Variants in GALNT18 observed in about 807,000 individuals in gnomAD.
The protein encoded by GALNT18 is polypeptide N-acetylgalactosaminyltransferase 18, also known as GalNAc-transferase 18.
Under a neutral mutation model 69.5 loss-of-function variants are expected in GALNT18, and 44 were observed. That is an observed-to-expected ratio of 0.63 (90% CI 0.50 to 0.81). GALNT18 has a LOEUF of 0.81. GALNT18 is among the 40% of genes least tolerant of loss of function. The pLI is 0.00. For missense variants in GALNT18, 715 were observed against 810.0 expected, an observed-to-expected ratio of 0.88 and a Z score of 1.42; for synonymous variants, 364 against 318.2, an observed-to-expected ratio of 1.14 and a Z score of -1.53.
chr11:11,452,246 G>T (rs759536262), intron 1 of GALNT18, among the ~76,000 whole-genome samples: 2 of 152,202 alleles, frequency 1.3e-5, no homozygotes, highest in Non-Finnish European at 2.9e-5. Context: ...GAATCCTAGG[G>T]TTTATCCTCC....
At chr11:11,558,014 G>C (rs1475044752) in intron 1 of GALNT18, among the ~76,000 whole-genome samples, 2 of 152,210 alleles carry the variant, frequency 1.3e-5, no homozygotes, top group Non-Finnish European at 2.9e-5. Context: ...TGAAGGCAGT[G>C]AGGCAGGGGT....
intron 6 of GALNT18, among the ~76,000 whole-genome samples, chr11:11,365,603 A>C (rs910725055): frequency 6.6e-6 from 1 of 152,182 alleles, no homozygotes; most frequent in African/African-American, 2.4e-5. Context: ...ACTAATTTAC[A>C]TTCCCAGTGT....
chr11:11,565,561 G>A (rs1858628195), intron 1 of GALNT18, among the ~76,000 whole-genome samples: 1 of 152,178 alleles, frequency 6.6e-6, no homozygotes, highest in Non-Finnish European at 1.5e-5. Context: ...TCCACAAGAT[G>A]GTCCTAAGAA....
rs1859503543 is a variant in GALNT18, at chr11:11,596,470, A to C, written c.235+24889T>G. ...ATATCTGAAGTATTGCCATCTTAACAATATTAAGTCTTGCAGTCCATGAAC... is the reference window on the plus strand; with the variant it reads ...ATATCTGAAGTATTGCCATCTTAACCATATTAAGTCTTGCAGTCCATGAAC... On this transcript the variant is annotated intron_variant, in intron 1 of 10. Transcript: ENST00000227756. The surrounding 1 kb of genome is among the most constrained non-coding windows in gnomAD (Gnocchi z 4.2). 6.6e-6 allele frequency among the ~76,000 whole-genome samples: 1 copy of C among 152,200 alleles called. No homozygotes were observed. Among genetic ancestry groups the C allele is most frequent in the Admixed American group, 6.5e-5 (1 of 15,284 alleles).
chr11:11,494,008 C>T lies in GALNT18; in HGVS notation c.236-45072G>A, dbSNP rs376737904. Among the ~76,000 whole-genome samples the T allele has an allele frequency of 3.6e-4, 55 of 152,122 alleles. No homozygotes were observed. The highest frequency in any genetic ancestry group is 1.2e-3 in the South Asian group (6 of 4,818). On this transcript the variant is annotated intron_variant, in intron 1 of 10. Coordinates refer to ENST00000227756, the MANE Select transcript of GALNT18 (RefSeq NM_198516.3). The surrounding 1 kb of genome is among the most constrained non-coding windows in gnomAD (Gnocchi z 5.7). Reference sequence around the variant, plus strand: ...GAGGAGCACACATTACCTAAGCCATCGGTGCCTCTGTTTTCTCATCTATAA... The same window carrying T: ...GAGGAGCACACATTACCTAAGCCATTGGTGCCTCTGTTTTCTCATCTATAA...
chr11:11,276,754 A>G (rs145171167), intron 10 of GALNT18, among the ~76,000 whole-genome samples: 2,114 of 152,312 alleles, frequency 0.014, 47 homozygotes, highest in African/African-American at 0.045. Context: ...CCTTTTCTGC[A>G]TCTATTGAAA....
intron 3 of GALNT18, among the ~76,000 whole-genome samples, chr11:11,419,850 G>C (rs985749074): frequency 3.3e-5 from 5 of 152,038 alleles, no homozygotes. Flanking sequence ...CCTGGGCACA[G>C]TCTGCATCTG....
chr11:11,352,992 C>T (rs745940002), intron 6 of GALNT18: 65 of 1,614,070 alleles, frequency 4.0e-5, no homozygotes, highest in South Asian at 1.8e-4. Context: ...GCCTAATTTT[C>T]GAACCAGCTG....
Position 11,341,968 on chromosome 11 carries a change from ATT to A in GALNT18, c.1093-966_1093-965del, listed in dbSNP as rs35028957. On this transcript the variant is annotated intron_variant, in intron 6 of 10. Coordinates refer to ENST00000227756, the MANE Select transcript of GALNT18 (RefSeq NM_198516.3). This position sits in a 1 kb window ranked among gnomAD's most constrained non-coding sequence, Gnocchi z 6.3. ...GAGATCCTGTCTCTAAAACATTAAA[ATT>A]TTTTTTTTTTTAAAAAGACCTTGAC... is the stretch of plus-strand genomic sequence containing the variant. 0.27 allele frequency among the ~76,000 whole-genome samples: 35,068 copies of A among 131,866 alleles called. 4,623 individuals carry two copies. Among genetic ancestry groups the A allele is most frequent in the Middle Eastern group, 0.31 (83 of 266 alleles). 86.5% of individuals were successfully genotyped at this position (131,866 alleles called of 152,430 possible).
intron 9 of GALNT18, among the ~76,000 whole-genome samples, chr11:11,305,183 TG>T (rs11300012): frequency 0.62 from 94,082 of 151,952 alleles, 29,852 homozygotes; most frequent in Admixed American, 0.76. Flanking sequence ...TTAGTTGGCC[TG>T]CAATATCTTG....
intron 2 of GALNT18, among the ~76,000 whole-genome samples, chr11:11,438,516 C>T (rs535102734): frequency 2.0e-5 from 3 of 152,244 alleles, no homozygotes; most frequent in Admixed American, 6.5e-5. Flanking sequence ...TCTACAATTC[C>T]GTACGGTAAA....
At chr11:11,486,281 G>C (rs548797952) in intron 1 of GALNT18, among the ~76,000 whole-genome samples, 12 of 152,238 alleles carry the variant, frequency 7.9e-5, no homozygotes, top group African/African-American at 2.9e-4. Context: ...CTGTCACAAT[G>C]TGCTCTGAAA....
At chr11:11,411,231 T>C (rs900648401) in intron 3 of GALNT18, among the ~76,000 whole-genome samples, 1 of 152,194 alleles carries the variant, frequency 6.6e-6, no homozygotes, top group Non-Finnish European at 1.5e-5. Flanking sequence ...AGAGGACCAC[T>C]TGAGCCCAGG....
At position 11,415,831 on chromosome 11, in the gene GALNT18, C is replaced by T. The variant is rs138367275; in HGVS notation, c.595+16790G>A. On this transcript the variant is annotated intron_variant, in intron 3 of 10. Transcript: ENST00000227756. This position sits in a 1 kb window ranked among gnomAD's most constrained non-coding sequence, Gnocchi z 4.1. ...ACGTAGAATTCAGGAATTCAGCAAG[C>T]AGCAACGCTCTCCACTGTTGGACTC... Among the ~76,000 whole-genome samples the T allele has an allele frequency of 6.6e-6, 1 of 152,286 alleles. No homozygotes were observed. The highest frequency in any genetic ancestry group is 1.9e-4 in the East Asian group (1 of 5,180).
intron 3 of GALNT18, among the ~76,000 whole-genome samples, chr11:11,391,893 C>T (rs1854199974): frequency 1.3e-5 from 2 of 152,206 alleles, no homozygotes; most frequent in South Asian, 4.1e-4. Flanking sequence ...GGAGCCATAC[C>T]CCAGCCCTGA....
chr11:11,610,674 A>G (rs891375392), intron 1 of GALNT18, among the ~76,000 whole-genome samples: 15 of 152,212 alleles, frequency 9.9e-5, no homozygotes, highest in African/African-American at 1.9e-4. Context: ...TGGACATTCT[A>G]TGTCATAATT....
At chr11:11,612,487 A>C (rs1859932553) in intron 1 of GALNT18, among the ~76,000 whole-genome samples, 2 of 152,216 alleles carry the variant, frequency 1.3e-5, no homozygotes, top group South Asian at 4.1e-4. Flanking sequence ...CAATTTTGGT[A>C]CTGTTCTCCT....
At chr11:11,353,055 T>C in intron 6 of GALNT18, 1 of 1,614,214 alleles carries the variant, frequency 6.2e-7, no homozygotes, top group Non-Finnish European at 8.5e-7. Context: ...ATCCCAGTAT[T>C]CTCGAGGTCT....
chr11:11,561,966 A>G (rs1431282983), intron 1 of GALNT18, among the ~76,000 whole-genome samples: 1 of 152,212 alleles, frequency 6.6e-6, no homozygotes, highest in Non-Finnish European at 1.5e-5. Flanking sequence ...GGGTGAAGGG[A>G]CCTGCCCACT....
Sources: gnomAD v4.1 joint callset for allele counts (sites outside exome capture counted in the v4.1 genomes callset) on GRCh38, gnomAD v4.1.1 for gene constraint, Gnocchi (gnomAD v3.1) non-coding constraint, MANE v1.5 for transcripts, NCBI Gene and HGNC (gene_info 2026-07-23, HGNC 2026-07-21) for gene names.